Variants in CACNA1I observed in about 807,000 individuals in gnomAD.
CACNA1I encodes the protein calcium voltage-gated channel subunit alpha1 I.
A neutral mutation model predicts 201.6 loss-of-function variants in CACNA1I; 74 were observed. The ratio of observed to expected loss-of-function variants is 0.37; its 90% CI spans 0.30 to 0.45. The LOEUF (loss-of-function observed/expected upper bound fraction) is 0.45. Ranked by LOEUF, CACNA1I falls within the 20% of genes least tolerant of loss-of-function variation. The pLI, the probability that CACNA1I is intolerant of heterozygous loss-of-function variation, is 1.00. For missense variants in CACNA1I, 2,346 were observed against 3,138.1 expected, an observed-to-expected ratio of 0.75 and a Z score of 6.03; for synonymous variants, 1,431 against 1,345.2, an observed-to-expected ratio of 1.06 and a Z score of -1.40.
In CACNA1I at chr22:39,677,041, G is replaced by T. The variant is rs1192717663; in HGVS notation, c.4855-300G>T. Among the ~76,000 whole-genome samples the T allele has an allele frequency of 6.6e-6, 1 of 152,210 alleles. No homozygotes were observed. The highest frequency in any genetic ancestry group is 1.9e-4 in the East Asian group (1 of 5,200). On this transcript the variant is annotated intron_variant, in intron 29 of 36. Transcript: ENST00000402142. This position sits in a 1 kb window ranked among gnomAD's most constrained non-coding sequence, Gnocchi z 4.8. ...CTTCTTCTGAAGAATGGGGATAAAA[G>T]ATAGTTCGTGGATTATTGTGAGGAG... is the stretch of plus-strand genomic sequence containing the variant.
rs1935076755 is a variant in CACNA1I at position 39,663,005 on chromosome 22, T to TG, written c.3473+134dup. On this transcript the variant is annotated intron_variant, in intron 18 of 36. Coordinates refer to ENST00000402142, the MANE Select transcript of CACNA1I (RefSeq NM_021096.4). ...ACAGCGGACCCTCCCGGCCCAGAGG[T>TG]GGGGGTCTCCAGGGGAGAGTGCAGC... 4.5e-6 allele frequency: 3 copies of TG among 663,062 alleles called. No homozygotes were observed. In the East Asian group the frequency reaches 8.2e-5, roughly 18 times the overall value. The allele number at this position is 663,062 out of a possible 1,614,324, so 41.1% of individuals were successfully genotyped here.
intron 10 of CACNA1I, among the ~76,000 whole-genome samples, 166 bp downstream of exon 10, chr22:39,650,091 C>G (rs994505616): frequency 2.0e-5 from 3 of 151,928 alleles, no homozygotes; most frequent in Admixed American, 6.6e-5. Context: ...TACTGCCCAG[C>G]CAGGGCCGAG....
intron 1 of CACNA1I, among the ~76,000 whole-genome samples, chr22:39,596,973 T>G (rs927976380): frequency 2.0e-5 from 3 of 152,174 alleles, no homozygotes; most frequent in African/African-American, 7.2e-5. Flanking sequence ...GTGAGTTCCA[T>G]CAGCATCTCT....
At chr22:39,663,986 G>C (rs752848106) in intron 19 of CACNA1I, 105 bp from the exon 20 acceptor site, 46 of 1,511,494 alleles carry the variant, frequency 3.0e-5, no homozygotes, top group Non-Finnish European at 2.6e-5. Context: ...CGTGAACTGA[G>C]AGGTGGCAGC....
At position 39,627,944 on chromosome 22, in the gene CACNA1I, G is replaced by C. The variant is rs956493565; in HGVS notation, c.581-6621G>C. On this transcript the variant is annotated intron_variant, in intron 4 of 36. Coordinates refer to ENST00000402142, the MANE Select transcript of CACNA1I (RefSeq NM_021096.4). ...CTGCTCCCTTCCTGGAAGAGGTGGG[G>C]CTGGGTGGGTGGGAGAACATCTGGC... 2.0e-5 allele frequency among the ~76,000 whole-genome samples: 3 copies of C among 151,342 alleles called. No individual in the cohort carries two copies. The East Asian group carries it at 5.9e-4, about 30-fold the overall frequency.
chr22:39,680,538 T>C (rs950609196), intron 33 of CACNA1I, among the ~76,000 whole-genome samples: 2 of 152,146 alleles, frequency 1.3e-5, no homozygotes, highest in Non-Finnish European at 2.9e-5. Context: ...CCCCGCAGTG[T>C]CCCCTGCCTG....
intron 10 of CACNA1I, among the ~76,000 whole-genome samples, chr22:39,652,168 T>A (rs1934671660): frequency 1.3e-5 from 2 of 152,214 alleles, no homozygotes; most frequent in Admixed American, 1.3e-4. Flanking sequence ...CACTCCCAGC[T>A]AATTTTTAGT....
chr22:39,614,719 G>C (rs1057192101), intron 3 of CACNA1I, among the ~76,000 whole-genome samples: 4 of 152,206 alleles, frequency 2.6e-5, no homozygotes, highest in African/African-American at 9.6e-5. Flanking sequence ...AGGGAGGGAG[G>C]CTCTTCAAGG....
intron 23 of CACNA1I, 105 bp from the exon 24 acceptor site, chr22:39,668,187 C>G (rs943583444): frequency 1.4e-6 from 1 of 693,972 alleles, no homozygotes; most frequent in Admixed American, 2.2e-5. Context: ...CCTCTTTGTC[C>G]CTCTGCCTCC....
At chr22:39,630,020 C>T (rs968744245) in intron 4 of CACNA1I, among the ~76,000 whole-genome samples, 3 of 152,206 alleles carry the variant, frequency 2.0e-5, no homozygotes, top group Non-Finnish European at 4.4e-5. Flanking sequence ...TGCTCAGCTT[C>T]CCCCCAGCCG....
intron 3 of CACNA1I, 91 bp downstream of exon 3, chr22:39,600,744 G>C: frequency 7.0e-7 from 1 of 1,433,342 alleles, no homozygotes; most frequent in Non-Finnish European, 9.2e-7. Context: ...GGCGATGAAG[G>C]GGAATCACGG....
intron 3 of CACNA1I, among the ~76,000 whole-genome samples, chr22:39,610,084 G>A (rs1033504828): frequency 2.0e-5 from 3 of 152,208 alleles, no homozygotes; most frequent in African/African-American, 7.2e-5. Flanking sequence ...GTGCACTATT[G>A]GTGGGTAAGG....
Position 39,619,278 on chromosome 22 carries a change from A to C in CACNA1I, c.483-32A>C, listed in dbSNP as rs866771239. The C allele has an allele frequency of 1.3e-5, 20 of 1,558,734 alleles. No individual in the cohort carries two copies. In the African/African-American group the frequency reaches 1.4e-4, roughly 11 times the overall value. ...GCCCTGGCCCCAGCTGGCCTCCAGCACCATCCCTCACTCTCTCTCCTTTCT... is the reference window on the plus strand; with the variant it reads ...GCCCTGGCCCCAGCTGGCCTCCAGCCCCATCCCTCACTCTCTCTCCTTTCT... On this transcript the variant is annotated intron_variant, in intron 3 of 36. Coordinates refer to ENST00000402142, the MANE Select transcript of CACNA1I (RefSeq NM_021096.4).
At chr22:39,573,551 G>A (rs998912278) in intron 1 of CACNA1I, among the ~76,000 whole-genome samples, 7 of 152,100 alleles carry the variant, frequency 4.6e-5, no homozygotes, top group South Asian at 2.1e-4. Flanking sequence ...AAAAGGAGAC[G>A]GCAGACGAAT....
chr22:39,621,444 G>T lies in CACNA1I; in HGVS notation c.580+2037G>T, dbSNP rs561180580. Reference sequence around the variant, plus strand: ...CCATCCATCCTGAGCGCCCTGTGGGGCTGGCCTGACCCCGGGCTTGCAGAA... The same window carrying T: ...CCATCCATCCTGAGCGCCCTGTGGGTCTGGCCTGACCCCGGGCTTGCAGAA... On this transcript the variant is annotated intron_variant, in intron 4 of 36. Coordinates refer to ENST00000402142, the MANE Select transcript of CACNA1I (RefSeq NM_021096.4). Among the ~76,000 whole-genome samples, 13 of 152,346 alleles carry T rather than the reference G, an allele frequency of 8.5e-5. No individual in the cohort carries two copies. The South Asian group carries it at 2.5e-3, about 29-fold the overall frequency.
At position 39,661,274 on chromosome 22, in the gene CACNA1I, G is replaced by A; in HGVS notation, c.2865G>A (p.Met955Ile). 6.2e-7 allele frequency: 1 copy of A among 1,602,826 alleles called. No individual in the cohort carries two copies. Among genetic ancestry groups the A allele is most frequent in the South Asian group, 1.1e-5 (1 of 89,448 alleles). ...VALGSRKSSVMSLGRMSYDQR... is the reference protein window; with the variant it reads ...VALGSRKSSVISLGRMSYDQR... ...TGGGCTCCCGAAAGAGCAGTGTCAT[G>A]TCTCTAGGGAGGATGAGCTATGACC... The change falls in exon 16 of 37, where the codon ATG (methionine) becomes ATA (isoleucine). Residue 955 changes from methionine to isoleucine, a missense_variant. By Grantham distance (10) the Met-to-Ile change is conservative. This residue lies in a region of CACNA1I where 288 missense variants were observed against 255.2 expected (regional missense o/e 1.13). Transcript: ENST00000402142.
Position 39,585,724 on chromosome 22 carries a change from A to G in CACNA1I, c.237-12427A>G, listed in dbSNP as rs541618453. 1.5e-4 allele frequency among the ~76,000 whole-genome samples: 18 copies of G among 117,802 alleles called. No homozygotes were observed. The East Asian group carries it at 4.7e-3, about 31-fold the overall frequency. The allele number at this position is 117,802 out of a possible 152,430, so 77.3% of individuals were successfully genotyped here. On this transcript the variant is annotated intron_variant, in intron 1 of 36. Coordinates refer to ENST00000402142, the MANE Select transcript of CACNA1I (RefSeq NM_021096.4). Reference sequence around the variant, plus strand: ...TAAAAAAAAAAAAAAAAAAACTTTTAAAGTTTTTTTTTTTTTTTTTTTTGC... The same window carrying G: ...TAAAAAAAAAAAAAAAAAAACTTTTGAAGTTTTTTTTTTTTTTTTTTTTGC...
chr22:39,614,205 T>C lies in CACNA1I; in HGVS notation c.483-5105T>C, dbSNP rs139244137. Among the ~76,000 whole-genome samples, 218 of 152,196 alleles carry C rather than the reference T, an allele frequency of 1.4e-3. 6 individuals carry two copies. The East Asian group carries it at 0.016, about 11-fold the overall frequency. On this transcript the variant is annotated intron_variant, in intron 3 of 36. Coordinates refer to ENST00000402142, the MANE Select transcript of CACNA1I (RefSeq NM_021096.4). Reference sequence around the variant, plus strand: ...TCTGCAGTGGGTGCTGTAATCCAGCTGAGAGAGGAGTACTTGAGGGAAGGG... The same window carrying C: ...TCTGCAGTGGGTGCTGTAATCCAGCCGAGAGAGGAGTACTTGAGGGAAGGG...
At chr22:39,679,046 T>A (rs1441170706) in intron 31 of CACNA1I, 61 bp from the exon 32 acceptor site, 7 of 1,367,204 alleles carry the variant, frequency 5.1e-6, no homozygotes, top group African/African-American at 2.9e-5. Flanking sequence ...GGCTGGCCTC[T>A]GCCTCCAGCA....
Sources: allele counts gnomAD v4.1 joint callset (sites outside exome capture counted in the v4.1 genomes callset), GRCh38; gene constraint gnomAD v4.1.1; regional missense constraint gnomAD v4.1.1; non-coding constraint Gnocchi (gnomAD v3.1); transcripts MANE v1.5; gene names NCBI Gene and HGNC (gene_info 2026-07-23, HGNC 2026-07-21).